Variants in CD2AP observed in about 807,000 individuals in gnomAD.
CD2AP encodes the protein CD2 associated protein, also known as CD2-associated protein.
CD2AP carries 46 observed loss-of-function variants against 85.1 expected under a neutral mutation model. The observed-to-expected ratio is 0.54, with a 90% confidence interval of 0.43 to 0.69. The LOEUF is 0.69. Among genes scored for constraint, CD2AP ranks in the 30% least tolerant of loss-of-function variants. The pLI is 0.00. For missense variants in CD2AP, 769 were observed against 729.5 expected (o/e 1.05, Z -0.62); for synonymous variants, 255 against 252.9 (o/e 1.01, Z -0.08).
intron 2 of CD2AP, among the ~76,000 whole-genome samples, chr6:47,520,661 A>T (rs1766564758): frequency 6.7e-6 from 1 of 150,156 alleles, no homozygotes; most frequent in Non-Finnish European, 1.5e-5. Context: ...GCCTTATTAT[A>T]GCCTGATGAG....
At chr6:47,591,579 C>T (rs929366756) in intron 11 of CD2AP, among the ~76,000 whole-genome samples, 5 of 151,998 alleles carry the variant, frequency 3.3e-5, no homozygotes, top group African/African-American at 1.2e-4. Flanking sequence ...AGAATTTATG[C>T]ACTTGGAATC....
At chr6:47,588,533 G>C (rs866270587) in intron 11 of CD2AP, among the ~76,000 whole-genome samples, 14 of 152,220 alleles carry the variant, frequency 9.2e-5, no homozygotes, top group Middle Eastern at 3.4e-3. Context: ...GGTGTGGATA[G>C]TGGAAGGTGG....
Position 47,582,071 on chromosome 6 carries a change from G to C in CD2AP, c.1108+6G>C. ...TTTAAAGCCTGAAGAAAAGGGTGAG[G>C]CTAATTTTCAACTTTCAAAAAAGCA... On this transcript the variant is annotated splice_donor_region_variant and intron_variant, in intron 11 of 17. Coordinates refer to ENST00000359314, the MANE Select transcript of CD2AP (RefSeq NM_012120.3). 1 of 1,557,522 alleles carries C rather than the reference G, an allele frequency of 6.4e-7. No homozygotes were observed. The highest frequency in any genetic ancestry group is 8.9e-7 in the Non-Finnish European group (1 of 1,128,708).
In CD2AP at chr6:47,479,265, A is replaced by G. The variant is rs770368250; in HGVS notation, c.4+1017A>G. Among the ~76,000 whole-genome samples the G allele has an allele frequency of 5.3e-5, 8 of 152,350 alleles. No individual in the cohort carries two copies. The East Asian group carries it at 1.2e-3, about 22-fold the overall frequency. The stretch of plus-strand genomic sequence containing the variant: ...TGCAGTTGAGAGTTGGTACTGCTTC[A>G]TATCAACAAACGATCACCGAAATGA... On this transcript the variant is annotated intron_variant, in intron 1 of 17. Coordinates refer to ENST00000359314, the MANE Select transcript of CD2AP (RefSeq NM_012120.3).
At chr6:47,505,650 G>A (rs1371092402) in intron 2 of CD2AP, among the ~76,000 whole-genome samples, 17 of 106,780 alleles carry the variant, frequency 1.6e-4, no homozygotes, top group South Asian at 3.5e-4. Flanking sequence ...CCTCCCGGAC[G>A]GGGCGGCTGG....
intron 1 of CD2AP, among the ~76,000 whole-genome samples, chr6:47,487,642 A>T (rs1052175044): frequency 3.1e-4 from 47 of 152,164 alleles, no homozygotes; most frequent in Non-Finnish European, 5.6e-4. Context: ...GTGAGCTGAG[A>T]TCGCGCCACT....
chr6:47,531,477 G>A (rs367966881), intron 2 of CD2AP, among the ~76,000 whole-genome samples: 12 of 151,052 alleles, frequency 7.9e-5, no homozygotes, highest in Non-Finnish European at 1.3e-4. Context: ...GGAAACAGGA[G>A]GATTGTTTAT....
intron 2 of CD2AP, among the ~76,000 whole-genome samples, chr6:47,505,706 GC>G (rs1766135232): frequency 1.3e-5 from 1 of 75,090 alleles, no homozygotes; most frequent in African/African-American, 4.4e-5. Context: ...GGACGGGGTG[GC>G]TGGCCGGGCT....
chr6:47,529,923 C>G (rs1037298223), intron 2 of CD2AP, among the ~76,000 whole-genome samples: 1 of 152,202 alleles, frequency 6.6e-6, no homozygotes, highest in Non-Finnish European at 1.5e-5. Flanking sequence ...ATGCTCCAGG[C>G]AAATTTAGTG....
intron 17 of CD2AP, among the ~76,000 whole-genome samples, chr6:47,617,176 G>C (rs1769615635): frequency 6.6e-6 from 1 of 152,044 alleles, no homozygotes; most frequent in South Asian, 2.1e-4. Context: ...TGTTGCCCAG[G>C]TTGATCTTGA....
chr6:47,542,746 TA>T (rs1195901387), intron 3 of CD2AP, among the ~76,000 whole-genome samples: 1 of 152,190 alleles, frequency 6.6e-6, no homozygotes, highest in East Asian at 1.9e-4. Flanking sequence ...CCATATCAGA[TA>T]CCTAGAATAA....
chr6:47,617,572 A>G (rs182825670), intron 17 of CD2AP, among the ~76,000 whole-genome samples: 1 of 152,310 alleles, frequency 6.6e-6, no homozygotes, highest in East Asian at 1.9e-4. Flanking sequence ...ATATAGTCAT[A>G]TAGACATGGT....
chr6:47,553,898 A>G (rs2114061300), intron 4 of CD2AP, among the ~76,000 whole-genome samples: 1 of 152,216 alleles, frequency 6.6e-6, no homozygotes, highest in Middle Eastern at 3.4e-3. Flanking sequence ...TTAAGCTAAG[A>G]ATCACTGCTC....
chr6:47,571,529 A>G (rs1768152608), intron 5 of CD2AP, among the ~76,000 whole-genome samples: 1 of 152,184 alleles, frequency 6.6e-6, no homozygotes, highest in African/African-American at 2.4e-5. Flanking sequence ...TCAGGGAAAC[A>G]AAGGCAGTTA....
chr6:47,588,905 A>G (rs11970178), intron 11 of CD2AP, among the ~76,000 whole-genome samples: 3 of 152,144 alleles, frequency 2.0e-5, no homozygotes, highest in Non-Finnish European at 2.9e-5. Flanking sequence ...CCTCTAGACC[A>G]ATGAAACTTA....
chr6:47,478,437 G>A (rs1178864087), intron 1 of CD2AP, among the ~76,000 whole-genome samples, 189 bp downstream of exon 1: 1 of 152,108 alleles, frequency 6.6e-6, no homozygotes, highest in Non-Finnish European at 1.5e-5. Context: ...AGAAACTGGT[G>A]GGAGAGCTCG....
At chr6:47,487,615 G>A (rs935061332) in intron 1 of CD2AP, among the ~76,000 whole-genome samples, 4 of 152,100 alleles carry the variant, frequency 2.6e-5, no homozygotes, top group Non-Finnish European at 4.4e-5. Context: ...GCATGAACCC[G>A]GGAGGTGGAG....
chr6:47,541,464 TA>T (rs1202179372), intron 3 of CD2AP, among the ~76,000 whole-genome samples: 1 of 152,066 alleles, frequency 6.6e-6, no homozygotes, highest in Non-Finnish European at 1.5e-5. Context: ...AAAACTACAA[TA>T]AAAAATCAGA....
chr6:47,591,355 C>G (rs1321121084), intron 11 of CD2AP, among the ~76,000 whole-genome samples: 4 of 152,072 alleles, frequency 2.6e-5, no homozygotes, highest in Non-Finnish European at 4.4e-5. Flanking sequence ...AATAGTTTCT[C>G]AAACTTTATA....
Sources: allele counts gnomAD v4.1 joint callset (sites outside exome capture counted in the v4.1 genomes callset), GRCh38; gene constraint gnomAD v4.1.1; transcripts MANE v1.5; gene names NCBI Gene and HGNC (gene_info 2026-07-23, HGNC 2026-07-21).